MDM2: variants seen among roughly 807,000 people sequenced by gnomAD.
MDM2 encodes E3 ubiquitin-protein ligase Mdm2.
Under a neutral mutation model 64.3 loss-of-function variants are expected in MDM2, and 11 were observed. The observed-to-expected ratio is 0.17, with a 90% CI of 0.11 to 0.28. MDM2 has a LOEUF of 0.28. MDM2 is among the 10% of genes least tolerant of loss of function. MDM2 has a pLI of 1.00. For synonymous variants in MDM2, 194 were observed against 192.9 expected, an observed-to-expected ratio of 1.01 and a Z score of -0.05; for missense variants, 388 against 577.1, an observed-to-expected ratio of 0.67 and a Z score of 3.36.
intron 8 of MDM2, among the ~76,000 whole-genome samples, chr12:68,833,664 C>T (rs921610809): frequency 2.6e-5 from 4 of 151,808 alleles, no homozygotes; most frequent in African/African-American, 9.7e-5. Context: ...GCTACTCAGC[C>T]CCGCTCTTGT....
intron 9 of MDM2, among the ~76,000 whole-genome samples, chr12:68,836,403 A>G (rs796122102): frequency 4.1e-4 from 62 of 152,224 alleles, no homozygotes; most frequent in African/African-American, 1.4e-3. Flanking sequence ...TAATATCTCC[A>G]TATTAGTTAT....
At chr12:68,848,020 A>G (rs886460831), downstream of MDM2, 1 of 152,190 alleles carries the variant, frequency 6.6e-6, no homozygotes, top group African/African-American at 2.4e-5. Context: ...GGTGGCATGC[A>G]TGGGAGACTG....
At chr12:68,831,570 G>A (rs1404620067) in intron 8 of MDM2, among the ~76,000 whole-genome samples, 3 of 152,178 alleles carry the variant, frequency 2.0e-5, no homozygotes, top group Non-Finnish European at 4.4e-5. Context: ...TCTTGCATTT[G>A]CATCTTAAAG....
At position 68,841,316 on chromosome 12, in the gene MDM2, C is replaced by T. The variant is rs568513324; in HGVS notation, c.*1467C>T. 8 of 205,748 alleles carry T rather than the reference C, an allele frequency of 3.9e-5. No homozygotes were observed. Among genetic ancestry groups the T allele is most frequent in the Admixed American group, 6.0e-5 (1 of 16,804 alleles). 12.7% of individuals were successfully genotyped at this position (205,748 alleles called of 1,614,324 possible). On this transcript the variant is annotated 3_prime_UTR_variant, in exon 11 of 11. Transcript: ENST00000258149. Reference sequence around the variant, plus strand: ...CTCCCTGTGTTGCCCAGGCTGGTCTCGAACTCCTGGGCTCAAGAGATCCTC... The same window carrying T: ...CTCCCTGTGTTGCCCAGGCTGGTCTTGAACTCCTGGGCTCAAGAGATCCTC...
chr12:68,833,163 T>C (rs1882961179), intron 8 of MDM2, among the ~76,000 whole-genome samples: 2 of 128,712 alleles, frequency 1.6e-5, no homozygotes, highest in East Asian at 4.2e-4. Flanking sequence ...TATATATATA[T>C]ATATTTATAT....
At chr12:68,832,602 C>A (rs2136157465) in intron 8 of MDM2, among the ~76,000 whole-genome samples, 1 of 152,184 alleles carries the variant, frequency 6.6e-6, no homozygotes, top group Non-Finnish European at 1.5e-5. Context: ...ACCTCAACCT[C>A]CTGGGTTCAA....
chr12:68,811,536 A>G (rs1880891309), intron 2 of MDM2, among the ~76,000 whole-genome samples: 1 of 150,768 alleles, frequency 6.6e-6, no homozygotes, highest in Non-Finnish European at 1.5e-5. Flanking sequence ...ATTATCTTTT[A>G]TAGCTGTTTT....
rs763830392 is a variant in MDM2, at chr12:68,835,798, T to C, written c.685-31T>C. The C allele has an allele frequency of 2.4e-5, 38 of 1,600,762 alleles. 1 individual carries two copies. In the East Asian group the frequency reaches 7.8e-4, roughly 33 times the overall value. On this transcript the variant is annotated intron_variant, in intron 8 of 10. Coordinates refer to ENST00000258149, the MANE Select transcript of MDM2 (RefSeq NM_002392.6). ...GATACAGAGGTCAAGAGGTGATGTT[T>C]ATTAAGTTATATATTTTTTTCTTGT... is the stretch of plus-strand genomic sequence containing the variant.
rs1160886505 is a variant in MDM2, at chr12:68,842,232, A to G, written c.*2383A>G. 2.0e-6 allele frequency: 1 copy of G among 498,546 alleles called. No homozygotes were observed. The highest frequency in any genetic ancestry group is 4.0e-6 in the Non-Finnish European group (1 of 252,538). 30.9% of individuals were successfully genotyped at this position (498,546 alleles called of 1,614,324 possible). A position where few individuals can be genotyped will look rare whatever the true frequency, so the allele number is the denominator to read the frequency against. ...CAAACAAATGCCAAGCTATATTTAT[A>G]ATGAACAAATTCAAGAAAAAGGACT... On this transcript the variant is annotated 3_prime_UTR_variant, in exon 11 of 11. Transcript: ENST00000258149.
chr12:68,819,932 C>T (rs1356431086), intron 4 of MDM2, among the ~76,000 whole-genome samples: 1 of 152,176 alleles, frequency 6.6e-6, no homozygotes, highest in Non-Finnish European at 1.5e-5. Context: ...TTTTGCATAA[C>T]TCAATGCTTT....
intron 5 of MDM2, among the ~76,000 whole-genome samples, chr12:68,821,968 C>A (rs566898996): frequency 1.0e-3 from 155 of 152,198 alleles, no homozygotes; most frequent in Non-Finnish European, 1.8e-3. Context: ...TGATCCTCCC[C>A]CTCAGCCTCC....
At position 68,810,526 on chromosome 12, in the gene MDM2, A is replaced by G. The variant is rs1401275003; in HGVS notation, c.99+1234A>G. ...TCCCAGGCTGGAGTGCAGTGGCACA[A>G]TCTCGGCTCACTGCAATCTCCGTTC... On this transcript the variant is annotated intron_variant, in intron 2 of 10. Coordinates refer to ENST00000258149, the MANE Select transcript of MDM2 (RefSeq NM_002392.6). Among the ~76,000 whole-genome samples, 4 of 151,606 alleles carry G rather than the reference A, an allele frequency of 2.6e-5. No individual in the cohort carries two copies. The East Asian group carries it at 7.8e-4, about 29-fold the overall frequency.
chr12:68,824,694 A>G (rs972034400), intron 7 of MDM2, 43 bp downstream of exon 7: 3 of 1,264,062 alleles, frequency 2.4e-6, no homozygotes, highest in East Asian at 4.7e-5. Flanking sequence ...CAGCTTTTTG[A>G]TATTCTTTCT....
chr12:68,811,051 G>T (rs1185518098), intron 2 of MDM2, among the ~76,000 whole-genome samples: 1 of 151,854 alleles, frequency 6.6e-6, no homozygotes, highest in Non-Finnish European at 1.5e-5. Flanking sequence ...TTTTAGTAGA[G>T]ATGGGGTTTT....
At chr12:68,815,817 T>C (rs1881324171) in intron 3 of MDM2, 1 of 172,218 alleles carries the variant, frequency 5.8e-6, no homozygotes, top group African/African-American at 2.4e-5. Flanking sequence ...TAAAAGTACA[T>C]TGTAAACTGT....
intron 8 of MDM2, among the ~76,000 whole-genome samples, chr12:68,832,349 T>C (rs1270434321): frequency 1.3e-5 from 2 of 152,158 alleles, no homozygotes; most frequent in Non-Finnish European, 2.9e-5. Flanking sequence ...CTGTCATCTT[T>C]GCAGCCTCAG....
chr12:68,816,694 A>G (rs1881416239), intron 3 of MDM2, 118 bp from the exon 4 acceptor site: 3 of 881,134 alleles, frequency 3.4e-6, no homozygotes, highest in Non-Finnish European at 5.0e-6. Context: ...TGTTCTACAT[A>G]GTTGTGGATA....
chr12:68,812,250 T>A (rs575072191), intron 2 of MDM2, among the ~76,000 whole-genome samples: 4 of 152,300 alleles, frequency 2.6e-5, no homozygotes, highest in East Asian at 3.9e-4. Flanking sequence ...ATATGTATTT[T>A]AAATTTTTCA....
rs1880612424 is a variant in MDM2, at chr12:68,808,970, C to G, written c.15-238C>G. On this transcript the variant is annotated intron_variant, in intron 1 of 10. Transcript: ENST00000258149. ...AAACTGCAGTAAAAGGAGTTAAGTCCTGACTTGTCTCCAGCTGGGGCTATT... is the reference window on the plus strand; with the variant it reads ...AAACTGCAGTAAAAGGAGTTAAGTCGTGACTTGTCTCCAGCTGGGGCTATT... 16 of 1,412,128 alleles carry G rather than the reference C, an allele frequency of 1.1e-5. No individual in the cohort carries two copies. The South Asian group carries it at 2.6e-4, about 23-fold the overall frequency. 87.5% of individuals were successfully genotyped at this position (1,412,128 alleles called of 1,614,324 possible).
Sources: allele counts gnomAD v4.1 joint callset (sites outside exome capture counted in the v4.1 genomes callset), GRCh38; gene constraint gnomAD v4.1.1; transcripts MANE v1.5; gene names NCBI Gene and HGNC (gene_info 2026-07-23, HGNC 2026-07-21).